SUCLG2: variants seen among roughly 807,000 people sequenced by gnomAD.
The protein encoded by SUCLG2 is succinate--CoA ligase [GDP-forming] subunit beta, mitochondrial.
In SUCLG2, 42 loss-of-function variants were observed where a neutral mutation model predicts 47.9. The ratio of observed to expected loss-of-function variants is 0.88; its 90% confidence interval spans 0.69 to 1.14. The LOEUF (loss-of-function observed/expected upper bound fraction) is 1.14. Among genes scored for constraint, SUCLG2 ranks in the 50% most tolerant of loss-of-function variants. SUCLG2 has a pLI of 0.00. For missense variants in SUCLG2, 571 were observed against 525.9 expected (o/e 1.09, Z -0.84); for synonymous variants, 195 against 197.3 (o/e 0.99, Z 0.10).
intron 1 of SUCLG2, among the ~76,000 whole-genome samples, chr3:67,623,130 C>T (rs559105648): frequency 6.6e-6 from 1 of 152,192 alleles, no homozygotes; most frequent in South Asian, 2.1e-4. Context: ...ATTCCCCCCA[C>T]CCACTCAGGT....
At chr3:67,554,804 A>G (rs1431458268) in intron 2 of SUCLG2, among the ~76,000 whole-genome samples, 1 of 152,106 alleles carries the variant, frequency 6.6e-6, no homozygotes, top group African/African-American at 2.4e-5. Flanking sequence ...TCACACGCCC[A>G]CAACTAGTTA....
chr3:67,634,693 CATT>C (rs1700979266), intron 1 of SUCLG2, among the ~76,000 whole-genome samples: 1 of 152,262 alleles, frequency 6.6e-6, no homozygotes, highest in South Asian at 2.1e-4. Flanking sequence ...TTTGGGCTCT[CATT>C]AGTATTTCTT....
intron 9 of SUCLG2, among the ~76,000 whole-genome samples, chr3:67,450,515 G>A (rs552488500): frequency 1.7e-4 from 26 of 152,132 alleles, no homozygotes; most frequent in Non-Finnish European, 2.9e-4. Flanking sequence ...ACTGTATTGT[G>A]AAAATTTTCA....
At chr3:67,549,265 G>T (rs935772547) in intron 2 of SUCLG2, among the ~76,000 whole-genome samples, 1 of 152,154 alleles carries the variant, frequency 6.6e-6, no homozygotes, top group Non-Finnish European at 1.5e-5. Context: ...CTTAAGCAAT[G>T]AAGTGACGAA....
At chr3:67,552,485 A>T (rs1707043664) in intron 2 of SUCLG2, among the ~76,000 whole-genome samples, 1 of 152,244 alleles carries the variant, frequency 6.6e-6, no homozygotes, top group Non-Finnish European at 1.5e-5. Context: ...CAATTCTGCA[A>T]AGTAAAGGCA....
chr3:67,409,274 T>A (rs1702883681), intron 9 of SUCLG2, among the ~76,000 whole-genome samples: 1 of 152,146 alleles, frequency 6.6e-6, no homozygotes, highest in South Asian at 2.1e-4. Context: ...ACAAGAACTC[T>A]CTCTGCAGAC....
chr3:67,595,414 G>A (rs1708270966), intron 2 of SUCLG2, among the ~76,000 whole-genome samples: 1 of 152,170 alleles, frequency 6.6e-6, no homozygotes, highest in Admixed American at 6.5e-5. Context: ...AAGAAGGGAA[G>A]ACACAGAACG....
intron 9 of SUCLG2, among the ~76,000 whole-genome samples, chr3:67,427,922 G>A (rs9869174): frequency 0.014 from 2,125 of 152,274 alleles, 54 homozygotes; most frequent in African/African-American, 0.049. Context: ...GGGGAGGGGC[G>A]TCCACCATTG....
At chr3:67,455,283 T>C (rs1559532958) in intron 9 of SUCLG2, among the ~76,000 whole-genome samples, 1 of 152,230 alleles carries the variant, frequency 6.6e-6, no homozygotes, top group Non-Finnish European at 1.5e-5. Flanking sequence ...TAGATGCCTC[T>C]GGCCCATCCT....
chr3:67,452,582 C>T (rs1290976559), intron 9 of SUCLG2, among the ~76,000 whole-genome samples: 3 of 152,148 alleles, frequency 2.0e-5, no homozygotes, highest in Admixed American at 6.5e-5. Flanking sequence ...GCTCAAGTTA[C>T]CACAAATTCC....
chr3:67,628,473 C>A (rs1033728585), intron 1 of SUCLG2, among the ~76,000 whole-genome samples: 1 of 152,160 alleles, frequency 6.6e-6, no homozygotes, highest in Non-Finnish European at 1.5e-5. Flanking sequence ...AAACTTCCAT[C>A]GAAGAGAAGG....
chr3:67,513,028 C>G lies in SUCLG2; in HGVS notation c.661-4125G>C, dbSNP rs536720791. On this transcript the variant is annotated intron_variant, in intron 6 of 10. Coordinates refer to ENST00000307227, the MANE Select transcript of SUCLG2 (RefSeq NM_003848.4). ...AGATATATAGAGATATTAGAGATCT[C>G]TATATACATACATACATAAAATAAA... Among the ~76,000 whole-genome samples the G allele has an allele frequency of 3.9e-3, 587 of 150,736 alleles. 7 individuals carry two copies. Among genetic ancestry groups the G allele is most frequent in the Non-Finnish European group, 6.6e-3 (451 of 67,974 alleles).
intron 2 of SUCLG2, among the ~76,000 whole-genome samples, chr3:67,572,950 T>C (rs552505206): frequency 4.9e-4 from 75 of 151,996 alleles, no homozygotes; most frequent in African/African-American, 1.8e-3. Context: ...ACAATTTGCA[T>C]GAATAAACAA....
At chr3:67,400,202 A>G (rs1552628) in intron 10 of SUCLG2, among the ~76,000 whole-genome samples, 37,103 of 151,816 alleles carry the variant, frequency 0.24, 5,151 homozygotes, top group African/African-American at 0.38. Flanking sequence ...TATTCTTACT[A>G]AAAATTTTTT....
chr3:67,485,666 C>G (rs1484194248), intron 9 of SUCLG2, among the ~76,000 whole-genome samples: 3 of 152,114 alleles, frequency 2.0e-5, no homozygotes, highest in African/African-American at 7.2e-5. Context: ...AAATATCACA[C>G]TTTTAGTAGG....
chr3:67,451,811 T>C (rs1365252251), intron 9 of SUCLG2, among the ~76,000 whole-genome samples: 3 of 152,162 alleles, frequency 2.0e-5, no homozygotes, highest in Non-Finnish European at 4.4e-5. Context: ...TTAAAGATAA[T>C]ATAATCTATG....
intron 2 of SUCLG2, among the ~76,000 whole-genome samples, chr3:67,542,449 C>CA (rs1287346725): frequency 6.6e-6 from 1 of 152,126 alleles, no homozygotes; most frequent in African/African-American, 2.4e-5. Context: ...CAGCTAGCAT[C>CA]ATAACAACAG....
At chr3:67,534,041 T>C (rs1706472576) in intron 2 of SUCLG2, among the ~76,000 whole-genome samples, 2 of 152,190 alleles carry the variant, frequency 1.3e-5, no homozygotes, top group Non-Finnish European at 2.9e-5. Flanking sequence ...ATCAGAGATT[T>C]GAATCGTGTA....
At chr3:67,386,467 C>T (rs149679875) in intron 10 of SUCLG2, among the ~76,000 whole-genome samples, 133 of 151,302 alleles carry the variant, frequency 8.8e-4, no homozygotes, top group Admixed American at 1.4e-3. Context: ...GTTCTCACGC[C>T]GCTAATAAAG....
Sources: allele counts gnomAD v4.1 joint callset (sites outside exome capture counted in the v4.1 genomes callset), GRCh38; gene constraint gnomAD v4.1.1; transcripts MANE v1.5; gene names NCBI Gene and HGNC (gene_info 2026-07-23, HGNC 2026-07-21).